The following PHACTR1 variants were observed in gnomAD, a reference collection of about 807,000 sequenced individuals.
PHACTR1 encodes phosphatase and actin regulator 1.
A neutral mutation model predicts 69.2 loss-of-function variants in PHACTR1; 16 were observed. That is an observed-to-expected ratio of 0.23 (90% CI 0.16 to 0.35). PHACTR1 has a LOEUF of 0.35. PHACTR1 is among the 10% of genes least tolerant of loss of function. The pLI is 1.00. For synonymous variants in PHACTR1, 312 were observed against 284.5 expected (o/e 1.10, Z -0.97); for missense variants, 510 against 734.7 (o/e 0.69, Z 3.54).
intron 4 of PHACTR1, among the ~76,000 whole-genome samples, chr6:12,816,226 C>T (rs150969221): frequency 1.3e-5 from 2 of 152,174 alleles, no homozygotes; most frequent in African/African-American, 4.8e-5. Context: ...TTGATGATAC[C>T]TGATATATGC....
intron 4 of PHACTR1, among the ~76,000 whole-genome samples, chr6:13,036,696 T>C (rs1008484026): frequency 6.6e-6 from 1 of 152,186 alleles, no homozygotes; most frequent in South Asian, 2.1e-4. Context: ...GCGAGAAAAT[T>C]CTCCACATGG....
At chr6:13,168,276 G>A (rs1561932080) in intron 6 of PHACTR1, among the ~76,000 whole-genome samples, 1 of 152,158 alleles carries the variant, frequency 6.6e-6, no homozygotes, top group Non-Finnish European at 1.5e-5. Context: ...CTTTGAAAAT[G>A]TAAAGGTGTT....
At chr6:12,844,676 T>C (rs1779026530) in intron 4 of PHACTR1, among the ~76,000 whole-genome samples, 1 of 150,836 alleles carries the variant, frequency 6.6e-6, no homozygotes, top group Non-Finnish European at 1.5e-5. Flanking sequence ...AAATACTAGA[T>C]GGAACATCCG....
At chr6:13,085,223 A>G (rs935930381) in intron 5 of PHACTR1, among the ~76,000 whole-genome samples, 1 of 151,986 alleles carries the variant, frequency 6.6e-6, no homozygotes, top group Non-Finnish European at 1.5e-5. Flanking sequence ...TCATTCCATA[A>G]TAATTTATAC....
In PHACTR1 at chr6:13,245,008, G is replaced by A. The variant is rs144502608; in HGVS notation, c.1391+14815G>A. Among the ~76,000 whole-genome samples the A allele has an allele frequency of 5.3e-4, 80 of 152,230 alleles. No individual in the cohort carries two copies. The highest frequency in any genetic ancestry group is 1.2e-3 in the African/African-American group (51 of 41,542). ...TAATTTGGGGAACTAATAAATGTCCGTAAAATCTTCACTATCCATGTTCTT... is the reference window on the plus strand; with the variant it reads ...TAATTTGGGGAACTAATAAATGTCCATAAAATCTTCACTATCCATGTTCTT... On this transcript the variant is annotated intron_variant, in intron 10 of 14. Coordinates refer to ENST00000332995, the MANE Select transcript of PHACTR1 (RefSeq NM_030948.6). The surrounding 1 kb of genome is among the most constrained non-coding windows in gnomAD (Gnocchi z 4.1).
At chr6:13,260,580 C>T (rs533325042) in intron 10 of PHACTR1, among the ~76,000 whole-genome samples, 11 of 152,234 alleles carry the variant, frequency 7.2e-5, no homozygotes, top group Admixed American at 2.6e-4. Context: ...TTTGTTCCAT[C>T]GCACAGAGAT....
At chr6:13,021,955 G>A (rs1256784431) in intron 4 of PHACTR1, among the ~76,000 whole-genome samples, 2 of 152,204 alleles carry the variant, frequency 1.3e-5, no homozygotes, top group African/African-American at 4.8e-5. Flanking sequence ...GAGAGTCAGA[G>A]TAGCTCATGG....
In PHACTR1 at chr6:12,949,003, G is replaced by T. The variant is rs1263716564; in HGVS notation, c.251-104362G>T. ...ATAGAAAAATGGGCCAGGCGCAATG[G>T]CTCACGCCTGTAATCCCAGCACTTT... is the stretch of plus-strand genomic sequence containing the variant. On this transcript the variant is annotated intron_variant, in intron 4 of 14. Coordinates refer to ENST00000332995, the MANE Select transcript of PHACTR1 (RefSeq NM_030948.6). Among the ~76,000 whole-genome samples, 4 of 152,170 alleles carry T rather than the reference G, an allele frequency of 2.6e-5. No individual in the cohort carries two copies. The East Asian group carries it at 5.8e-4, about 22-fold the overall frequency.
intron 4 of PHACTR1, among the ~76,000 whole-genome samples, chr6:13,039,733 A>T (rs1001510684): frequency 5.3e-5 from 8 of 152,218 alleles, no homozygotes; most frequent in African/African-American, 1.9e-4. Flanking sequence ...AATTGAAATG[A>T]TCATTAAGAA....
chr6:12,967,799 G>A (rs1793673758), intron 4 of PHACTR1, among the ~76,000 whole-genome samples: 1 of 152,160 alleles, frequency 6.6e-6, no homozygotes, highest in South Asian at 2.1e-4. Flanking sequence ...CCAAACCCAA[G>A]GGAAATTCAC....
chr6:12,950,159 G>A (rs1791123509), intron 4 of PHACTR1, among the ~76,000 whole-genome samples: 2 of 152,238 alleles, frequency 1.3e-5, no homozygotes, highest in African/African-American at 2.4e-5. Flanking sequence ...TGAGGTTGCA[G>A]TTCAGGCAGC....
chr6:13,166,106 T>A (rs1186171394), intron 6 of PHACTR1, among the ~76,000 whole-genome samples: 1 of 152,226 alleles, frequency 6.6e-6, no homozygotes, highest in Non-Finnish European at 1.5e-5. Context: ...TTGCGTTGGC[T>A]GCGCCTTCTT....
chr6:12,833,109 G>C (rs1430246340), intron 4 of PHACTR1, among the ~76,000 whole-genome samples: 1 of 152,090 alleles, frequency 6.6e-6, no homozygotes, highest in East Asian at 1.9e-4. Context: ...TCTTCCCACT[G>C]TGAGGTGCCT....
intron 8 of PHACTR1, among the ~76,000 whole-genome samples, chr6:13,218,337 T>C (rs1344031709): frequency 7.9e-5 from 12 of 152,190 alleles, no homozygotes; most frequent in Non-Finnish European, 4.4e-5. Flanking sequence ...TACCGTGGAA[T>C]GGAGATAAAG....
intron 4 of PHACTR1, among the ~76,000 whole-genome samples, chr6:12,753,967 TATA>T (rs1424849672): frequency 0.018 from 841 of 46,332 alleles, 3 homozygotes; most frequent in Non-Finnish European, 0.024. Context: ...TATATATATA[TATA>T]TTTTTTTTTT....
At chr6:12,920,198 G>C (rs902750667) in intron 4 of PHACTR1, among the ~76,000 whole-genome samples, 1 of 152,216 alleles carries the variant, frequency 6.6e-6, no homozygotes, top group Non-Finnish European at 1.5e-5. Context: ...TGAACAAAGA[G>C]AGGAGAGATC....
intron 4 of PHACTR1, among the ~76,000 whole-genome samples, chr6:12,952,456 A>C (rs1207570896): frequency 6.6e-6 from 1 of 152,134 alleles, no homozygotes; most frequent in East Asian, 1.9e-4. Context: ...CCAGAATATC[A>C]TGTAGTCAGA....
chr6:13,110,944 C>A (rs1450843415), intron 5 of PHACTR1, among the ~76,000 whole-genome samples: 1 of 151,484 alleles, frequency 6.6e-6, no homozygotes, highest in South Asian at 2.1e-4. Flanking sequence ...TTTCCTTTTC[C>A]CTCTCTCTTT....
intron 5 of PHACTR1, among the ~76,000 whole-genome samples, chr6:13,100,759 G>A (rs1287435113): frequency 6.6e-6 from 1 of 152,188 alleles, no homozygotes; most frequent in Admixed American, 6.5e-5. Context: ...GGATTCTGCA[G>A]AATGTAAGAC....
Sources: gnomAD v4.1 joint callset for allele counts (sites outside exome capture counted in the v4.1 genomes callset) on GRCh38, gnomAD v4.1.1 for gene constraint, Gnocchi (gnomAD v3.1) non-coding constraint, MANE v1.5 for transcripts, NCBI Gene and HGNC (gene_info 2026-07-23, HGNC 2026-07-21) for gene names.